Variants in SOX6 observed in about 807,000 individuals in gnomAD.
SOX6 encodes the protein transcription factor SOX-6.
In SOX6, 11 loss-of-function variants were observed where a neutral mutation model predicts 97.8. That is an observed-to-expected ratio of 0.11 (90% CI 0.07 to 0.19). The LOEUF is 0.19. Ranked by LOEUF, SOX6 falls within the 10% of genes least tolerant of loss-of-function variation. SOX6 has a pLI of 1.00. For synonymous variants in SOX6, 360 were observed against 371.4 expected, an observed-to-expected ratio of 0.97 and a Z score of 0.35; for missense variants, 810 against 1,039.5, an observed-to-expected ratio of 0.78 and a Z score of 3.04.
chr11:16,283,086 T>C (rs1854618406), intron 3 of SOX6, among the ~76,000 whole-genome samples: 1 of 40,798 alleles, frequency 2.5e-5, no homozygotes, highest in East Asian at 6.2e-4. Flanking sequence ...TTATATATAA[T>C]TTGTATATAT....
intron 13 of SOX6, among the ~76,000 whole-genome samples, chr11:15,994,866 T>G (rs893568621): frequency 6.6e-6 from 1 of 152,076 alleles, no homozygotes; most frequent in Non-Finnish European, 1.5e-5. Context: ...AAAAAACCCA[T>G]AGATGTTGAA....
At chr11:16,533,535 T>C (rs1268988991) in intron 4 of SOX6, among the ~76,000 whole-genome samples, 1 of 152,042 alleles carries the variant, frequency 6.6e-6, no homozygotes, top group Non-Finnish European at 1.5e-5. Flanking sequence ...AAATGGTTGC[T>C]ACATTTTTCA....
intron 7 of SOX6, among the ~76,000 whole-genome samples, chr11:16,104,354 G>A (rs1849021356): frequency 6.6e-6 from 1 of 151,984 alleles, no homozygotes. Flanking sequence ...TTTATTCACT[G>A]AGAAAAGGTC....
chr11:16,206,641 G>C (rs1345624206), intron 4 of SOX6, among the ~76,000 whole-genome samples: 1 of 152,180 alleles, frequency 6.6e-6, no homozygotes, highest in Non-Finnish European at 1.5e-5. Context: ...GAAGCACTTA[G>C]AACAGTTGCC....
chr11:16,464,047 A>G (rs1344265405), intron 1 of SOX6, among the ~76,000 whole-genome samples: 1 of 152,218 alleles, frequency 6.6e-6, no homozygotes, highest in East Asian at 1.9e-4. Context: ...TATACAGGAT[A>G]TCTCACTGTA....
intron 4 of SOX6, among the ~76,000 whole-genome samples, chr11:16,511,099 G>A (rs912778787): frequency 4.1e-4 from 62 of 152,194 alleles, no homozygotes; most frequent in Admixed American, 1.2e-3. Context: ...GTTAAAAGAG[G>A]AGCTTCATTC....
rs11825811 is a variant in SOX6 at position 16,080,529 on chromosome 11, G to A, written c.1101+15467C>T. On this transcript the variant is annotated intron_variant, in intron 9 of 15. Transcript: ENST00000683767. ...ACATTATGAAGACTTAATACTCATAGGCTCTTGTTATTCTTAAAGGTACAT... is the reference window on the plus strand; with the variant it reads ...ACATTATGAAGACTTAATACTCATAAGCTCTTGTTATTCTTAAAGGTACAT... 3.3e-3 allele frequency among the ~76,000 whole-genome samples: 501 copies of A among 150,712 alleles called. 1 individual carries two copies. The highest frequency in any genetic ancestry group is 0.012 in the African/African-American group (480 of 40,554).
At chr11:16,669,444 C>A (rs535939906) in intron 3 of SOX6, among the ~76,000 whole-genome samples, 1 of 152,290 alleles carries the variant, frequency 6.6e-6, no homozygotes, top group South Asian at 2.1e-4. Context: ...TGCAGCACAC[C>A]CCCAGCATAC....
At chr11:16,525,922 A>T (rs1861154233) in intron 4 of SOX6, among the ~76,000 whole-genome samples, 1 of 152,208 alleles carries the variant, frequency 6.6e-6, no homozygotes, top group Admixed American at 6.5e-5. Flanking sequence ...TGCAAATCAA[A>T]ACCACAATGA....
At chr11:16,355,031 A>C (rs746523539) in intron 1 of SOX6, among the ~76,000 whole-genome samples, 27 of 152,084 alleles carry the variant, frequency 1.8e-4, no homozygotes, top group Non-Finnish European at 2.8e-4. Flanking sequence ...TTAGAAAATC[A>C]ACTTGAGGAG....
At chr11:16,627,873 G>C (rs1848646052) in intron 3 of SOX6, among the ~76,000 whole-genome samples, 1 of 152,088 alleles carries the variant, frequency 6.6e-6, no homozygotes, top group South Asian at 2.1e-4. Flanking sequence ...TCTTTAGCAA[G>C]GCTGAAGTCC....
rs770780730 is a variant in SOX6, at chr11:15,970,588, A to G, written c.*2221T>C. 6.6e-6 allele frequency: 1 copy of G among 152,654 alleles called. No individual in the cohort carries two copies. The highest frequency in any genetic ancestry group is 6.5e-5 in the Admixed American group (1 of 15,290). The allele number at this position is 152,654 out of a possible 1,614,324, so 9.5% of individuals were successfully genotyped here. On this transcript the variant is annotated 3_prime_UTR_variant, in exon 16 of 16. Transcript: ENST00000683767. Reference sequence around the variant, plus strand: ...TGAGAGAAAAAATGACCTCCTCCTCATTTGAAATAAATGTACAAAAACAAA... The same window carrying G: ...TGAGAGAAAAAATGACCTCCTCCTCGTTTGAAATAAATGTACAAAAACAAA...
intron 1 of SOX6, among the ~76,000 whole-genome samples, chr11:16,399,840 A>G (rs539875396): frequency 1.3e-5 from 2 of 151,550 alleles, no homozygotes; most frequent in Admixed American, 6.6e-5. Flanking sequence ...ACTTTATCCA[A>G]CATTGCCCTA....
At chr11:16,305,546 T>C (rs574934752) in intron 3 of SOX6, among the ~76,000 whole-genome samples, 2 of 152,336 alleles carry the variant, frequency 1.3e-5, no homozygotes, top group African/African-American at 4.8e-5. Context: ...AATTGTACTC[T>C]TGGGTACTAA....
intron 4 of SOX6, among the ~76,000 whole-genome samples, chr11:16,575,442 C>CA (rs1847973784): frequency 1.3e-5 from 2 of 151,594 alleles, no homozygotes; most frequent in African/African-American, 4.8e-5. Flanking sequence ...TGAATATATG[C>CA]AAAAAAAGGT....
chr11:16,109,492 A>C (rs1849175861), intron 7 of SOX6, among the ~76,000 whole-genome samples: 1 of 151,886 alleles, frequency 6.6e-6, no homozygotes, highest in Non-Finnish European at 1.5e-5. Flanking sequence ...ATGAGCCACC[A>C]CACCCAGCCC....
intron 1 of SOX6, among the ~76,000 whole-genome samples, chr11:16,373,802 GGGGA>G (rs977477014): frequency 1.2e-4 from 16 of 133,086 alleles, no homozygotes; most frequent in East Asian, 7.3e-4. Flanking sequence ...GAAAAGAAAG[GGGGA>G]GGGAGGGAGG....
At chr11:16,246,030 T>C (rs929487191) in intron 3 of SOX6, among the ~76,000 whole-genome samples, 2 of 151,306 alleles carry the variant, frequency 1.3e-5, no homozygotes, top group Admixed American at 1.3e-4. Flanking sequence ...TTTTTTAGAA[T>C]TCTACTTATC....
chr11:16,697,947 T>C (rs1423240648), intron 3 of SOX6, among the ~76,000 whole-genome samples: 1 of 152,232 alleles, frequency 6.6e-6, no homozygotes, highest in Non-Finnish European at 1.5e-5. Flanking sequence ...GGCTTTGTCA[T>C]TTCATTTATA....
Sources: allele counts gnomAD v4.1 joint callset (sites outside exome capture counted in the v4.1 genomes callset), GRCh38; gene constraint gnomAD v4.1.1; transcripts MANE v1.5; gene names NCBI Gene and HGNC (gene_info 2026-07-23, HGNC 2026-07-21).